Variants in PROS1 observed in about 807,000 individuals in gnomAD.
The protein encoded by PROS1 is protein S.
A neutral mutation model predicts 75.9 loss-of-function variants in PROS1; 29 were observed. The observed-to-expected ratio is 0.38, with a 90% CI of 0.28 to 0.52. The LOEUF (loss-of-function observed/expected upper bound fraction) is 0.52. Ranked by LOEUF, PROS1 falls within the 20% of genes least tolerant of loss-of-function variation. The pLI, the probability that PROS1 is intolerant of heterozygous loss-of-function variation, is 0.83. For synonymous variants in PROS1, 245 were observed against 280.6 expected, an observed-to-expected ratio of 0.87 and a Z score of 1.27; for missense variants, 680 against 810.3, an observed-to-expected ratio of 0.84 and a Z score of 1.95.
intron 3 of PROS1, among the ~76,000 whole-genome samples, chr3:93,917,220 A>T (rs1708869202): frequency 6.6e-6 from 1 of 152,000 alleles, no homozygotes; most frequent in Non-Finnish European, 1.5e-5. Context: ...CTCCATTTCC[A>T]CTTTCATTCA....
At chr3:93,932,227 T>C (rs1398681144) in intron 1 of PROS1, among the ~76,000 whole-genome samples, 1 of 152,232 alleles carries the variant, frequency 6.6e-6, no homozygotes, top group Non-Finnish European at 1.5e-5. Context: ...TTAATCTGAA[T>C]CATAACTGTT....
Position 93,884,744 on chromosome 3 carries a change from T to C in PROS1, c.1476A>G (p.Gln492=), listed in dbSNP as rs372203184. The change falls in exon 12 of 15, where the codon CAA becomes CAG. Residue 492 remains glutamine (Q), a synonymous_variant. Coordinates refer to ENST00000394236, the MANE Select transcript of PROS1 (RefSeq NM_000313.4). ...GSYYPGSGIA[Q]FHIDYNNVSS... is the part of the protein sequence containing the mutation. ...ATCACTTACTATAATCTATGTGAAA[T>C]TGAGCAATTCCAGAACCAGGATAGT... The C allele has an allele frequency of 1.2e-5, 19 of 1,613,482 alleles. No homozygotes were observed. The highest frequency in any genetic ancestry group is 4.5e-5 in the East Asian group (2 of 44,822).
chr3:93,934,726 A>T lies in PROS1; in HGVS notation c.77-7319T>A, dbSNP rs77962339. ...AAAGGCGAGTTCTAAAACATTAAGG[A>T]TAGGGGAGTGTAGGCTGGCATTTAT... On this transcript the variant is annotated intron_variant, in intron 1 of 14. Coordinates refer to ENST00000394236, the MANE Select transcript of PROS1 (RefSeq NM_000313.4). 1.9e-3 allele frequency among the ~76,000 whole-genome samples: 292 copies of T among 152,282 alleles called. 1 individual carries two copies. In the East Asian group the frequency reaches 0.027, roughly 14 times the overall value.
chr3:93,953,741 A>C lies in PROS1; in HGVS notation c.76+19933T>G, dbSNP rs187148601. Among the ~76,000 whole-genome samples, 27 of 152,282 alleles carry C rather than the reference A, an allele frequency of 1.8e-4. 1 individual carries two copies. In the East Asian group the frequency reaches 4.6e-3, roughly 26 times the overall value. On this transcript the variant is annotated intron_variant, in intron 1 of 14. Transcript: ENST00000394236. ...GTTCTGGCCAGGGCAATCAGGCAGG[A>C]GAAAGAAATAAATTGTATTCAATTA...
At chr3:93,927,781 C>G (rs1041296905) in intron 1 of PROS1, among the ~76,000 whole-genome samples, 7 of 149,394 alleles carry the variant, frequency 4.7e-5, no homozygotes, top group African/African-American at 1.7e-4. Context: ...GTGGGAGGTC[C>G]ACCTGAACCC....
chr3:93,938,100 C>A (rs757781745), intron 1 of PROS1, among the ~76,000 whole-genome samples: 4 of 152,276 alleles, frequency 2.6e-5, no homozygotes, highest in Middle Eastern at 6.8e-3. Context: ...CCCCTGTGAC[C>A]TGCACATATA....
chr3:93,964,439 G>A (rs1398382497), intron 1 of PROS1, among the ~76,000 whole-genome samples: 1 of 152,138 alleles, frequency 6.6e-6, no homozygotes, highest in Non-Finnish European at 1.5e-5. Context: ...CTATGCGGTT[G>A]AGATAAGGAC....
At chr3:93,939,762 G>C (rs1200645515) in intron 1 of PROS1, among the ~76,000 whole-genome samples, 1 of 151,636 alleles carries the variant, frequency 6.6e-6, no homozygotes, top group Non-Finnish European at 1.5e-5. Flanking sequence ...TACCACCCTA[G>C]ACCCTAAAAG....
chr3:93,906,132 G>T lies in PROS1; in HGVS notation c.358C>A (p.Gln120Lys), dbSNP rs1471724817. The stretch of plus-strand genomic sequence containing the variant: ...TCATTGCATGGCAGAGGACTACACT[G>T]GTCTGGAATGGCTGAAGGAAATAGA... ...LRSCVNAIPD[Q>K]CSPLPCNEDG... Residue 120 changes from glutamine to lysine, a missense_variant, in exon 5 of 15, where the codon CAG (glutamine) becomes AAG (lysine). Transcript: ENST00000394236. 1 of 1,612,962 alleles carries T rather than the reference G, an allele frequency of 6.2e-7. No homozygotes were observed. Among genetic ancestry groups the T allele is most frequent in the Non-Finnish European group, 8.5e-7 (1 of 1,179,724 alleles).
At chr3:93,946,218 T>C (rs1333123141) in intron 1 of PROS1, among the ~76,000 whole-genome samples, 1 of 152,072 alleles carries the variant, frequency 6.6e-6, no homozygotes, top group African/African-American at 2.4e-5. Context: ...ATCACGAAAA[T>C]GGCCATACTG....
At chr3:93,900,323 G>C (rs918788114) in intron 7 of PROS1, among the ~76,000 whole-genome samples, 1 of 152,122 alleles carries the variant, frequency 6.6e-6, no homozygotes, top group African/African-American at 2.4e-5. Flanking sequence ...TAATAGAACT[G>C]TGTCATTTTT....
intron 10 of PROS1, 127 bp from the exon 11 acceptor site, chr3:93,886,630 TATTA>T (rs1708353449): frequency 1.3e-6 from 1 of 758,986 alleles, no homozygotes; most frequent in African/African-American, 1.8e-5. Context: ...TTAATGTAAT[TATTA>T]ATTTGTTACA....
chr3:93,925,402 G>A (rs544164614), intron 2 of PROS1, among the ~76,000 whole-genome samples: 2 of 152,290 alleles, frequency 1.3e-5, no homozygotes, highest in Admixed American at 1.3e-4. Flanking sequence ...GAATATATTA[G>A]AGATGTTGAG....
chr3:93,972,631 G>A lies in PROS1; in HGVS notation c.76+1043C>T, dbSNP rs548354655. On this transcript the variant is annotated intron_variant, in intron 1 of 14. Coordinates refer to ENST00000394236, the MANE Select transcript of PROS1 (RefSeq NM_000313.4). ...AGGCGGATGGATCACCGGAGGTCAG[G>A]AGCTCGAGACCAGCCTGGCCAACAT... Among the ~76,000 whole-genome samples, 104 of 151,406 alleles carry A rather than the reference G, an allele frequency of 6.9e-4. 1 individual carries two copies. The highest frequency in any genetic ancestry group is 3.1e-3 in the Admixed American group (47 of 15,220).
At chr3:93,913,105 A>T (rs1470724616) in intron 3 of PROS1, among the ~76,000 whole-genome samples, 2 of 152,038 alleles carry the variant, frequency 1.3e-5, no homozygotes, top group Middle Eastern at 3.2e-3. Flanking sequence ...CAGGGGGGCG[A>T]TTTTCCCCAT....
intron 1 of PROS1, among the ~76,000 whole-genome samples, chr3:93,929,823 T>C (rs1157492184): frequency 6.6e-6 from 1 of 152,196 alleles, no homozygotes; most frequent in Non-Finnish European, 1.5e-5. Flanking sequence ...AAAACATAAA[T>C]AAAATCTGCA....
intron 1 of PROS1, among the ~76,000 whole-genome samples, chr3:93,960,850 G>A (rs1371765188): frequency 6.6e-6 from 1 of 151,070 alleles, no homozygotes; most frequent in Non-Finnish European, 1.5e-5. Context: ...AAATCAGAGG[G>A]CTCTAATAAA....
chr3:93,936,194 G>A (rs147580461), intron 1 of PROS1, among the ~76,000 whole-genome samples: 80 of 151,790 alleles, frequency 5.3e-4, no homozygotes, highest in Non-Finnish European at 1.0e-3. Flanking sequence ...AGACTAGATG[G>A]GGTCATAATG....
intron 1 of PROS1, chr3:93,928,853 G>A: frequency 7.9e-5 from 54 of 682,188 alleles, no homozygotes; most frequent in East Asian, 4.4e-4. Context: ...AGAATAAACG[G>A]GAAATAAACA....
Sources: gnomAD v4.1 joint callset for allele counts (sites outside exome capture counted in the v4.1 genomes callset) on GRCh38, gnomAD v4.1.1 for gene constraint, MANE v1.5 for transcripts, NCBI Gene and HGNC (gene_info 2026-07-23, HGNC 2026-07-21) for gene names.